Variants in CALCRL observed in about 807,000 individuals in gnomAD.
The protein encoded by CALCRL is calcitonin gene-related peptide type 1 receptor.
CALCRL carries 27 observed loss-of-function variants against 60.4 expected under a neutral mutation model. The observed-to-expected ratio is 0.45, with a 90% CI of 0.33 to 0.62. CALCRL has a LOEUF of 0.62. Ranked by LOEUF, CALCRL falls within the 20% of genes least tolerant of loss-of-function variation. The pLI is 0.03. For missense variants in CALCRL, 424 were observed against 540.7 expected, an observed-to-expected ratio of 0.78 and a Z score of 2.14; for synonymous variants, 190 against 182.6, an observed-to-expected ratio of 1.04 and a Z score of -0.33.
At chr2:187,425,443 C>G (rs1440938013) in intron 1 of CALCRL, among the ~76,000 whole-genome samples, 1 of 151,822 alleles carries the variant, frequency 6.6e-6, no homozygotes, top group Non-Finnish European at 1.5e-5. Flanking sequence ...CCACCCATAG[C>G]TTGAAAGTCT....
chr2:187,347,348 G>A (rs903172375), intron 14 of CALCRL, among the ~76,000 whole-genome samples: 1 of 151,742 alleles, frequency 6.6e-6, no homozygotes, highest in African/African-American at 2.4e-5. Context: ...CTTGTGACCC[G>A]ATCTATATCT....
intron 1 of CALCRL, among the ~76,000 whole-genome samples, chr2:187,416,458 C>A (rs1239839417): frequency 6.6e-6 from 1 of 151,780 alleles, no homozygotes; most frequent in Non-Finnish European, 1.5e-5. Flanking sequence ...GTTTCTTACA[C>A]CTAAATAAAA....
At chr2:187,369,793 G>C (rs13430354) in intron 8 of CALCRL, among the ~76,000 whole-genome samples, 43,860 of 152,068 alleles carry the variant, frequency 0.29, 6,680 homozygotes, top group Middle Eastern at 0.41. Flanking sequence ...CAAAAAGAAT[G>C]TGGCCAGGGT....
chr2:187,436,159 G>A (rs987884525), intron 1 of CALCRL, among the ~76,000 whole-genome samples: 1 of 151,998 alleles, frequency 6.6e-6, no homozygotes, highest in African/African-American at 2.4e-5. Context: ...CCTACTTACT[G>A]ACTTATTTTG....
chr2:187,362,332 A>G (rs1687089473), intron 9 of CALCRL, among the ~76,000 whole-genome samples: 2 of 152,104 alleles, frequency 1.3e-5, no homozygotes, highest in Non-Finnish European at 1.5e-5. Context: ...CCAGATTTTT[A>G]TGTTGCTAAT....
chr2:187,370,737 C>A (rs1687482347), intron 8 of CALCRL, among the ~76,000 whole-genome samples: 1 of 152,172 alleles, frequency 6.6e-6, no homozygotes, highest in African/African-American at 2.4e-5. Context: ...TCCATTACTT[C>A]TTGCACTACT....
chr2:187,363,298 C>T (rs1687138936), intron 9 of CALCRL, 78 bp downstream of exon 9: 22 of 1,348,274 alleles, frequency 1.6e-5, no homozygotes, highest in Non-Finnish European at 2.1e-5. Flanking sequence ...CTTAATTATA[C>T]ACATTATGCA....
At chr2:187,383,102 A>C in intron 5 of CALCRL, 71 bp downstream of exon 5, 2 of 1,450,842 alleles carry the variant, frequency 1.4e-6, no homozygotes, top group Non-Finnish European at 1.9e-6. Flanking sequence ...AAGCACTTAT[A>C]ATGATATAAT....
intron 1 of CALCRL, among the ~76,000 whole-genome samples, chr2:187,402,597 G>A (rs1688937937): frequency 6.6e-6 from 1 of 151,692 alleles, no homozygotes; most frequent in Non-Finnish European, 1.5e-5. Flanking sequence ...TTGTACTGAG[G>A]AGTTTTGATT....
chr2:187,388,315 T>C (rs1221065968), intron 1 of CALCRL, among the ~76,000 whole-genome samples: 1 of 152,164 alleles, frequency 6.6e-6, no homozygotes, highest in Non-Finnish European at 1.5e-5. Context: ...TTTTATTTTT[T>C]TGTACACATT....
Position 187,401,775 on chromosome 2 carries a change from A to C in CALCRL, c.-292-14019T>G, listed in dbSNP as rs1688897421. The stretch of plus-strand genomic sequence containing the variant: ...TGATATTTTAATTGTGTTATTACAA[A>C]TAGAAACATCAAAAATACAAGAGAA... On this transcript the variant is annotated intron_variant, in intron 1 of 14. Transcript: ENST00000392370. 2.0e-5 allele frequency among the ~76,000 whole-genome samples: 3 copies of C among 151,678 alleles called. No individual in the cohort carries two copies. The South Asian group carries it at 6.2e-4, about 31-fold the overall frequency.
intron 1 of CALCRL, among the ~76,000 whole-genome samples, chr2:187,426,982 C>T (rs1690168399): frequency 6.6e-6 from 1 of 152,058 alleles, no homozygotes; most frequent in Non-Finnish European, 1.5e-5. Flanking sequence ...TGAAAGGAGG[C>T]TTGGCAAACA....
At chr2:187,393,883 A>T (rs1304583799) in intron 1 of CALCRL, among the ~76,000 whole-genome samples, 2 of 152,060 alleles carry the variant, frequency 1.3e-5, no homozygotes, top group Non-Finnish European at 2.9e-5. Context: ...AGGGTTGAGG[A>T]TACCTGGAAT....
At position 187,343,285 on chromosome 2, in the gene CALCRL, G is replaced by A. The variant is rs1632282; in HGVS notation, c.*2899C>T. 85,279 of 151,356 alleles carry A rather than the reference G, an allele frequency of 0.56. 25,974 individuals are homozygous for A. The highest frequency in any genetic ancestry group is 0.86 in the East Asian group (4,479 of 5,184). 9.4% of individuals were successfully genotyped at this position (151,356 alleles called of 1,614,324 possible). A position where few individuals can be genotyped will look rare whatever the true frequency, so the allele number is the denominator to read the frequency against. On this transcript the variant is annotated 3_prime_UTR_variant, in exon 15 of 15. Coordinates refer to ENST00000392370, the MANE Select transcript of CALCRL (RefSeq NM_005795.6). ...TTATTTGGCACTGTAGTAAATATCA[G>A]TGAAAATAAACTTTAACTCATAACT...
chr2:187,400,824 C>G (rs1413500828), intron 1 of CALCRL, among the ~76,000 whole-genome samples: 1 of 151,164 alleles, frequency 6.6e-6, no homozygotes, highest in East Asian at 1.9e-4. Flanking sequence ...TACGAAATAT[C>G]CAAAATAGGC....
intron 1 of CALCRL, among the ~76,000 whole-genome samples, chr2:187,412,710 A>G (rs1689419858): frequency 6.6e-6 from 1 of 152,214 alleles, no homozygotes; most frequent in African/African-American, 2.4e-5. Flanking sequence ...AAGTGTGAAG[A>G]GTGAGAGTTG....
At chr2:187,394,297 C>T (rs559280864) in intron 1 of CALCRL, among the ~76,000 whole-genome samples, 1 of 151,956 alleles carries the variant, frequency 6.6e-6, no homozygotes, top group Non-Finnish European at 1.5e-5. Flanking sequence ...AGGTTCTCCC[C>T]CAGAGTCTAC....
intron 1 of CALCRL, among the ~76,000 whole-genome samples, chr2:187,424,795 A>G (rs1194087567): frequency 1.3e-5 from 2 of 152,004 alleles, no homozygotes; most frequent in African/African-American, 2.4e-5. Flanking sequence ...TGGAGTCTAC[A>G]TAATTTGGGA....
At chr2:187,403,308 A>G (rs193035721) in intron 1 of CALCRL, among the ~76,000 whole-genome samples, 245 of 151,958 alleles carry the variant, frequency 1.6e-3, no homozygotes, top group Admixed American at 2.3e-3. Context: ...AATCACTACT[A>G]TAGAGAATAC....
Sources: gnomAD v4.1 joint callset for allele counts (sites outside exome capture counted in the v4.1 genomes callset) on GRCh38, gnomAD v4.1.1 for gene constraint, MANE v1.5 for transcripts, NCBI Gene and HGNC (gene_info 2026-07-23, HGNC 2026-07-21) for gene names.